Variants in OR6N1 observed in about 807,000 individuals in gnomAD.
OR6N1 encodes the protein olfactory receptor family 6 subfamily N member 1, also known as olfactory receptor 6N1.
For missense variants in OR6N1, 394 were observed against 371.7 expected (o/e 1.06, Z -0.49); for synonymous variants, 170 against 150.7 (o/e 1.13, Z -0.94).
the OR6N1 span, among the ~76,000 whole-genome samples, chr1:158,813,588 G>A: frequency 2.0e-5 from 3 of 152,080 alleles, no homozygotes; most frequent in Admixed American, 6.5e-5. Context: ...TGAATATAGA[G>A]GCTGGCAAGG....
the OR6N1 span, among the ~76,000 whole-genome samples, chr1:158,804,277 C>T: frequency 2.0e-5 from 3 of 152,250 alleles, no homozygotes; most frequent in African/African-American, 7.2e-5. Context: ...ATGTGGTTTA[C>T]TTTTTTGTTC....
the OR6N1 span, among the ~76,000 whole-genome samples, chr1:158,794,421 A>C: frequency 1.3e-5 from 2 of 152,086 alleles, no homozygotes; most frequent in South Asian, 4.1e-4. Context: ...TTCCCCTAGG[A>C]GTAGCAATCC....
chr1:158,822,567 T>A, the OR6N1 span, among the ~76,000 whole-genome samples: 4 of 152,182 alleles, frequency 2.6e-5, no homozygotes, highest in Non-Finnish European at 4.4e-5. Flanking sequence ...ACTGAAATTT[T>A]TCTGAAGTTG....
At chr1:158,804,182 C>T in the OR6N1 span, among the ~76,000 whole-genome samples, 3 of 152,164 alleles carry the variant, frequency 2.0e-5, no homozygotes, top group Admixed American at 6.6e-5. Flanking sequence ...AGGTCCTTGA[C>T]TTTTAGGATT....
the OR6N1 span, among the ~76,000 whole-genome samples, chr1:158,810,267 T>C: frequency 1.6e-4 from 24 of 152,148 alleles, no homozygotes; most frequent in Non-Finnish European, 3.4e-4. Flanking sequence ...TCTAGTTGTC[T>C]TCTTTGGCTA....
chr1:158,807,003 CAAAAAAAAA>C, the OR6N1 span, among the ~76,000 whole-genome samples: 1 of 72,916 alleles, frequency 1.4e-5, no homozygotes, highest in African/African-American at 5.5e-5. Context: ...GACGTCATCT[CAAAAAAAAA>C]AAAAAAAAAA....
the OR6N1 span, among the ~76,000 whole-genome samples, chr1:158,787,635 T>TCTCACACACACACACACA: frequency 5.2e-5 from 7 of 134,320 alleles, no homozygotes; most frequent in Admixed American, 7.3e-5. Context: ...TCTCTCTCTC[T>TCTCACACACACACACACA]CACACACACA....
At chr1:158,776,896 A>G (rs1213141224), upstream of OR6N1, 1 of 1,614,176 alleles carries the variant, frequency 6.2e-7, no homozygotes. Context: ...GATGAGGACC[A>G]CAGCAAGATG....
the OR6N1 span, among the ~76,000 whole-genome samples, chr1:158,830,444 C>T: frequency 6.6e-6 from 1 of 152,176 alleles, no homozygotes; most frequent in Admixed American, 6.5e-5. Flanking sequence ...GGATCATTTT[C>T]CCCTATTAGC....
the OR6N1 span, among the ~76,000 whole-genome samples, chr1:158,786,837 CA>C: frequency 6.6e-6 from 1 of 151,798 alleles, no homozygotes; most frequent in South Asian, 2.1e-4. Flanking sequence ...TTTGGGGACT[CA>C]GGGGGGAAAA....
chr1:158,813,270 G>A, the OR6N1 span, among the ~76,000 whole-genome samples: 1 of 152,144 alleles, frequency 6.6e-6, no homozygotes, highest in African/African-American at 2.4e-5. Context: ...AATTTATCCT[G>A]CAGATGTGTA....
chr1:158,805,474 T>TA, the OR6N1 span, among the ~76,000 whole-genome samples: 1 of 152,196 alleles, frequency 6.6e-6, no homozygotes, highest in Non-Finnish European at 1.5e-5. Context: ...GAAAGGCCAC[T>TA]TACTGCTTGA....
chr1:158,765,846 T>C lies in OR6N1; in HGVS notation c.837A>G (p.Ser279=). The C allele has an allele frequency of 6.2e-7, 1 of 1,614,148 alleles. No homozygotes were observed. The highest frequency in any genetic ancestry group is 8.5e-7 in the Non-Finnish European group (1 of 1,180,008). The change falls in exon 2 of 2, where the codon TCA becomes TCG. Residue 279 remains serine, a synonymous_variant. Coordinates refer to ENST00000641846, the MANE Select transcript of OR6N1 (RefSeq NM_001005185.2). ...AGGGGTTGAGGAAGGGTGTGAGCAC[T>C]GAGTAGACCACTGCCAGGGCCTGGT... ...DYDQALAVVY[S]VLTPFLNPFI... is the part of the protein sequence containing the mutation.
the OR6N1 span, among the ~76,000 whole-genome samples, chr1:158,819,883 T>C: frequency 1.3e-5 from 2 of 152,186 alleles, no homozygotes; most frequent in African/African-American, 4.8e-5. Flanking sequence ...TTCAGCTCGG[T>C]CAGGGAGACC....
chr1:158,807,808 A>G, the OR6N1 span, among the ~76,000 whole-genome samples: 5 of 134,518 alleles, frequency 3.7e-5, no homozygotes, highest in African/African-American at 1.6e-4. Flanking sequence ...TAAGTCATAA[A>G]TGCAGCTTAA....
In OR6N1 at chr1:158,765,552, G is replaced by A; in HGVS notation, c.*192C>T. The A allele has an allele frequency of 1.8e-6, 1 of 555,986 alleles. No individual in the cohort carries two copies. The highest frequency in any genetic ancestry group is 3.2e-6 in the Non-Finnish European group (1 of 311,876). The allele number at this position is 555,986 out of a possible 1,614,324, so 34.4% of individuals were successfully genotyped here. On this transcript the variant is annotated 3_prime_UTR_variant, in exon 2 of 2. Coordinates refer to ENST00000641846, the MANE Select transcript of OR6N1 (RefSeq NM_001005185.2). ...GGATGTGTACTTTCCCTAGTCTCTG[G>A]TCTCAAGCCAAATGTGGCTCCAGCA...
chr1:158,804,165 T>C, the OR6N1 span, among the ~76,000 whole-genome samples: 7 of 152,182 alleles, frequency 4.6e-5, no homozygotes, highest in Non-Finnish European at 1.0e-4. Flanking sequence ...TGAGAAGAGA[T>C]TATGCCAGGT....
rs534851015 is a variant in OR6N1, at chr1:158,768,455, C to A, written c.-18-1755G>T. 2.0e-5 allele frequency among the ~76,000 whole-genome samples: 3 copies of A among 152,278 alleles called. No individual in the cohort carries two copies. The South Asian group carries it at 6.2e-4, about 32-fold the overall frequency. On this transcript the variant is annotated intron_variant, in intron 1 of 1. Transcript: ENST00000641846. ...GTCATCCTTGTTTCTATCTTTCTCT[C>A]ATATATCCAGGAACTGACTATGTTT...
the OR6N1 span, among the ~76,000 whole-genome samples, chr1:158,823,175 T>TTGTTGCA: frequency 6.6e-6 from 1 of 152,196 alleles, no homozygotes; most frequent in Non-Finnish European, 1.5e-5. Context: ...TATTTCTTTT[T>TTGTTGCA]TGTTGCATCT....
Sources: allele counts gnomAD v4.1 joint callset (sites outside exome capture counted in the v4.1 genomes callset), GRCh38; gene constraint gnomAD v4.1.1; transcripts MANE v1.5; gene names NCBI Gene and HGNC (gene_info 2026-07-23, HGNC 2026-07-21).